The following TMEM117 variants were observed in gnomAD, a reference collection of about 807,000 sequenced individuals.
TMEM117 encodes the protein transmembrane protein 117.
Under a neutral mutation model 52.4 loss-of-function variants are expected in TMEM117, and 27 were observed. That is an observed-to-expected ratio of 0.51 (90% confidence interval 0.38 to 0.71). The LOEUF (loss-of-function observed/expected upper bound fraction) is 0.71, where lower values mean the gene tolerates loss of function less well. TMEM117 is among the 30% of genes least tolerant of loss of function. The pLI is 0.00. For missense variants in TMEM117, 556 were observed against 630.5 expected (o/e 0.88, Z 1.26); for synonymous variants, 215 against 206.3 (o/e 1.04, Z -0.36).
At chr12:44,273,582 A>G (rs1310554399) in intron 5 of TMEM117, among the ~76,000 whole-genome samples, 1 of 152,090 alleles carries the variant, frequency 6.6e-6, no homozygotes, top group African/African-American at 2.4e-5. Context: ...ATACTAGCAA[A>G]CCAAATTCAA....
chr12:44,270,309 G>A (rs1342548026), intron 5 of TMEM117, among the ~76,000 whole-genome samples: 2 of 152,034 alleles, frequency 1.3e-5, no homozygotes, highest in Non-Finnish European at 2.9e-5. Flanking sequence ...TTTCCCTATA[G>A]AGGATTTTCA....
chr12:43,889,042 T>C (rs908117948), intron 2 of TMEM117, among the ~76,000 whole-genome samples: 7 of 151,882 alleles, frequency 4.6e-5, no homozygotes, highest in Non-Finnish European at 7.4e-5. Flanking sequence ...CAGGAGATGG[T>C]TGCAGGATGA....
rs564814260 is a variant in TMEM117 at position 44,259,253 on chromosome 12, C to G, written c.609-40327C>G. ...CTACAATATGAGTCCCTACAATGTG[C>G]TGTGTGAATTATATAAATTATCTCA... On this transcript the variant is annotated intron_variant, in intron 5 of 7. Transcript: ENST00000266534. 7.9e-5 allele frequency among the ~76,000 whole-genome samples: 12 copies of G among 152,230 alleles called. No homozygotes were observed. The South Asian group carries it at 2.1e-3, about 26-fold the overall frequency.
At chr12:44,219,653 A>G (rs1949762851) in intron 5 of TMEM117, among the ~76,000 whole-genome samples, 1 of 152,148 alleles carries the variant, frequency 6.6e-6, no homozygotes, top group Non-Finnish European at 1.5e-5. Flanking sequence ...ATTAAATACT[A>G]TAGTTGATGT....
At chr12:44,074,858 A>C (rs1398384449) in intron 3 of TMEM117, among the ~76,000 whole-genome samples, 2 of 152,018 alleles carry the variant, frequency 1.3e-5, no homozygotes, top group African/African-American at 4.8e-5. Context: ...CCTTAAGAAC[A>C]TGCTAGCATC....
At chr12:44,335,434 A>T (rs1766286914) in intron 6 of TMEM117, among the ~76,000 whole-genome samples, 1 of 152,064 alleles carries the variant, frequency 6.6e-6, no homozygotes, top group African/African-American at 2.4e-5. Context: ...CTCATTGATC[A>T]TCATAGCAGT....
At chr12:44,308,396 G>A (rs980021432) in intron 6 of TMEM117, among the ~76,000 whole-genome samples, 3 of 152,096 alleles carry the variant, frequency 2.0e-5, no homozygotes, top group Non-Finnish European at 4.4e-5. Flanking sequence ...TTGCATGTGT[G>A]TCAAGGTTGG....
intron 3 of TMEM117, among the ~76,000 whole-genome samples, chr12:44,056,239 C>A (rs1312722152): frequency 6.6e-6 from 1 of 152,066 alleles, no homozygotes; most frequent in African/African-American, 2.4e-5. Flanking sequence ...CCACTGCACT[C>A]CATTGTATAC....
intron 5 of TMEM117, among the ~76,000 whole-genome samples, chr12:44,285,041 ATAGTTG>A (rs1950621708): frequency 6.6e-6 from 1 of 152,224 alleles, no homozygotes; most frequent in South Asian, 2.1e-4. Flanking sequence ...AGGATCCAAC[ATAGTTG>A]CAGTGGCTGG....
intron 3 of TMEM117, among the ~76,000 whole-genome samples, chr12:44,040,609 C>T (rs1281208184): frequency 1.3e-5 from 2 of 152,104 alleles, no homozygotes; most frequent in Non-Finnish European, 2.9e-5. Flanking sequence ...TCTTCACTTC[C>T]AATCCTTATA....
intron 3 of TMEM117, among the ~76,000 whole-genome samples, chr12:43,970,137 C>T (rs541404159): frequency 6.8e-4 from 104 of 152,230 alleles, no homozygotes; most frequent in Middle Eastern, 3.4e-3. Context: ...AGGCAGGTCT[C>T]GGTTATCACC....
intron 2 of TMEM117, among the ~76,000 whole-genome samples, chr12:43,885,970 G>A (rs1231315972): frequency 3.9e-5 from 6 of 152,182 alleles, no homozygotes; most frequent in South Asian, 2.1e-4. Flanking sequence ...TACAACTAAT[G>A]AGGTATTTCT....
chr12:43,940,287 TCTC>T (rs1308317478), intron 2 of TMEM117, among the ~76,000 whole-genome samples: 3 of 152,142 alleles, frequency 2.0e-5, no homozygotes, highest in African/African-American at 7.2e-5. Flanking sequence ...CACAAACACT[TCTC>T]CTTCTCCTCT....
At chr12:44,031,526 G>A (rs1021915511) in intron 3 of TMEM117, among the ~76,000 whole-genome samples, 5 of 152,214 alleles carry the variant, frequency 3.3e-5, no homozygotes, top group African/African-American at 1.2e-4. Context: ...TAGCTGAAAT[G>A]TTCATGAATA....
rs769553919 is a variant in TMEM117, at chr12:44,388,404, A to G, written c.1277A>G (p.Asn426Ser). Residue 426 changes from asparagine (N) to serine (S), a missense_variant, in exon 8 of 8, where the codon AAT (asparagine) becomes AGT (serine). Physicochemically the swap from Asn to Ser is conservative, Grantham distance 46. This residue lies in a region of TMEM117 where 206 missense variants were observed against 211.1 expected (regional missense o/e 0.98). Coordinates refer to ENST00000266534, the MANE Select transcript of TMEM117 (RefSeq NM_032256.3). ...TTGAAAAATGAGCCACGCATGGAGA[A>G]TCAAGACAAAACTTACACTCGCATG... ...RFLKNEPRME[N>S]QDKTYTRMKR... The G allele has an allele frequency of 1.2e-5, 20 of 1,613,336 alleles. No homozygotes were observed. In the Admixed American group the frequency reaches 3.2e-4, roughly 26 times the overall value.
chr12:44,180,618 C>T (rs1486396425), intron 4 of TMEM117, among the ~76,000 whole-genome samples: 1 of 150,200 alleles, frequency 6.7e-6, no homozygotes, highest in African/African-American at 2.4e-5. Flanking sequence ...GTTTTTTGTT[C>T]TTGTGATAGT....
chr12:43,835,569 C>CA (rs1044183942), upstream of TMEM117, among the ~76,000 whole-genome samples: 1 of 152,168 alleles, frequency 6.6e-6, no homozygotes, highest in African/African-American at 2.4e-5. Context: ...TCCCCACCCC[C>CA]ACATCCCCAC....
rs550027124 is a variant in TMEM117 at position 43,925,801 on chromosome 12, C to G, written c.278-18409C>G. Among the ~76,000 whole-genome samples, 5 of 152,288 alleles carry G rather than the reference C, an allele frequency of 3.3e-5. No homozygotes were observed. The South Asian group carries it at 8.3e-4, about 25-fold the overall frequency. ...TGGGGCTTAGACCAGGATCCATGGG[C>G]TGAGCTTGACCCTCGTGTACCATCA... On this transcript the variant is annotated intron_variant, in intron 2 of 7. Coordinates refer to ENST00000266534, the MANE Select transcript of TMEM117 (RefSeq NM_032256.3).
chr12:43,967,375 G>A (rs1283173271), intron 3 of TMEM117, among the ~76,000 whole-genome samples: 1 of 151,936 alleles, frequency 6.6e-6, no homozygotes, highest in Non-Finnish European at 1.5e-5. Flanking sequence ...CCTCCCACTT[G>A]GATTCCTAAA....
Sources: gnomAD v4.1 joint callset for allele counts (sites outside exome capture counted in the v4.1 genomes callset) on GRCh38, gnomAD v4.1.1 for gene constraint, gnomAD v4.1.1 regional missense constraint, MANE v1.5 for transcripts, NCBI Gene and HGNC (gene_info 2026-07-23, HGNC 2026-07-21) for gene names.